Variants in RXFP1 observed in about 807,000 individuals in gnomAD.
The protein encoded by RXFP1 is relaxin receptor 1.
In RXFP1, 73 loss-of-function variants were observed where a neutral mutation model predicts 89.8. The observed-to-expected ratio is 0.81, with a 90% confidence interval of 0.67 to 0.99. The LOEUF (loss-of-function observed/expected upper bound fraction) is 0.99. RXFP1 is among the 50% of genes least tolerant of loss of function. The pLI is 0.00. For missense variants in RXFP1, 793 were observed against 895.5 expected (o/e 0.89, Z 1.46); for synonymous variants, 277 against 305.5 (o/e 0.91, Z 0.97).
chr4:158,650,189 A>T (rs754578899), intron 17 of RXFP1, among the ~76,000 whole-genome samples: 1 of 152,154 alleles, frequency 6.6e-6, no homozygotes, highest in Non-Finnish European at 1.5e-5. Flanking sequence ...ATATAGTTAG[A>T]TTCATAGAAC....
At chr4:158,563,021 A>G (rs1265822857) in intron 1 of RXFP1, among the ~76,000 whole-genome samples, 1 of 152,198 alleles carries the variant, frequency 6.6e-6, no homozygotes, top group African/African-American at 2.4e-5. Flanking sequence ...AAAACAGGAG[A>G]TAAAGTTTGT....
intron 1 of RXFP1, among the ~76,000 whole-genome samples, chr4:158,570,818 G>T (rs1424174128): frequency 5.3e-5 from 8 of 151,988 alleles, no homozygotes. Flanking sequence ...TCTTCCCTTT[G>T]CCCAAGGATA....
intron 14 of RXFP1, among the ~76,000 whole-genome samples, chr4:158,643,015 G>A (rs768467287): frequency 7.2e-5 from 11 of 152,216 alleles, no homozygotes; most frequent in African/African-American, 2.7e-4. Context: ...TGTATAGCAT[G>A]CGAAGAAGCT....
At chr4:158,522,859 A>G (rs776273710) in intron 1 of RXFP1, among the ~76,000 whole-genome samples, 19 of 152,182 alleles carry the variant, frequency 1.2e-4, no homozygotes, top group Non-Finnish European at 2.4e-4. Flanking sequence ...AAGCCTTTTT[A>G]TAGTCCTGTG....
chr4:158,580,271 C>T (rs560089961), intron 2 of RXFP1, among the ~76,000 whole-genome samples: 1 of 152,128 alleles, frequency 6.6e-6, no homozygotes, highest in Non-Finnish European at 1.5e-5. Flanking sequence ...AGCTCTAGGT[C>T]TGGATTGGTT....
chr4:158,606,893 A>G lies in RXFP1; in HGVS notation c.465-1079A>G, dbSNP rs28616008. Among the ~76,000 whole-genome samples the G allele has an allele frequency of 6.9e-3, 1,048 of 152,238 alleles. 16 individuals carry two copies. Among genetic ancestry groups the G allele is most frequent in the African/African-American group, 0.024 (1,009 of 41,522 alleles). Reference sequence around the variant, plus strand: ...CTTCACCCAGCCTATAATAAATTTTATAATAACATTTCACAATCAAAGTTA... The same window carrying G: ...CTTCACCCAGCCTATAATAAATTTTGTAATAACATTTCACAATCAAAGTTA... On this transcript the variant is annotated intron_variant, in intron 5 of 17. Coordinates refer to ENST00000307765, the MANE Select transcript of RXFP1 (RefSeq NM_021634.4).
chr4:158,652,343 G>A lies in RXFP1; in HGVS notation c.*288G>A. ...GCATTTATTGAGTACCCACTACTAT[G>A]TGCATAGCATTGCAATATAGTCCTG... On this transcript the variant is annotated 3_prime_UTR_variant, in exon 18 of 18. Coordinates refer to ENST00000307765, the MANE Select transcript of RXFP1 (RefSeq NM_021634.4). The A allele has an allele frequency of 3.6e-6, 1 of 280,568 alleles. No individual in the cohort carries two copies. Among genetic ancestry groups the A allele is most frequent in the Non-Finnish European group, 6.7e-6 (1 of 149,654 alleles). The allele number at this position is 280,568 out of a possible 1,614,324, so 17.4% of individuals were successfully genotyped here.
chr4:158,635,135 A>C (rs1343422135), intron 12 of RXFP1, among the ~76,000 whole-genome samples: 1 of 151,624 alleles, frequency 6.6e-6, no homozygotes, highest in Non-Finnish European at 1.5e-5. Context: ...ACATCTTAAT[A>C]TTAAGTCTTC....
At chr4:158,529,824 G>A (rs1743578361) in intron 1 of RXFP1, among the ~76,000 whole-genome samples, 1 of 152,080 alleles carries the variant, frequency 6.6e-6, no homozygotes, top group Non-Finnish European at 1.5e-5. Flanking sequence ...CTCCTGTCTT[G>A]GTCCCAAATC....
intron 2 of RXFP1, among the ~76,000 whole-genome samples, chr4:158,591,561 C>A (rs1320044632): frequency 2.3e-4 from 30 of 130,108 alleles, no homozygotes; most frequent in Non-Finnish European, 4.0e-4. Context: ...CCAGCCTGGG[C>A]AACATAGCAA....
intron 1 of RXFP1, among the ~76,000 whole-genome samples, chr4:158,561,109 T>G (rs962694189): frequency 5.9e-5 from 9 of 152,236 alleles, no homozygotes; most frequent in Non-Finnish European, 1.3e-4. Flanking sequence ...TCTTGTAAAA[T>G]AAAACCAATC....
intron 11 of RXFP1, among the ~76,000 whole-genome samples, chr4:158,632,763 G>A (rs1157632950): frequency 5.3e-5 from 8 of 151,854 alleles, no homozygotes; most frequent in East Asian, 1.9e-4. Flanking sequence ...AATCCTAAGC[G>A]GAAGAAAAAA....
intron 14 of RXFP1, among the ~76,000 whole-genome samples, chr4:158,640,731 A>G (rs1294521460): frequency 6.6e-6 from 1 of 152,198 alleles, no homozygotes; most frequent in Non-Finnish European, 1.5e-5. Flanking sequence ...ACTATATCAC[A>G]TGGTACAAGT....
At position 158,646,815 on chromosome 4, in the gene RXFP1, A is replaced by G. The variant is rs773894854; in HGVS notation, c.1370A>G (p.Tyr457Cys). 1 of 1,613,230 alleles carries G rather than the reference A, an allele frequency of 6.2e-7. No homozygotes were observed. Among genetic ancestry groups the G allele is most frequent in the Admixed American group, 1.7e-5 (1 of 59,928 alleles). The change falls in exon 16 of 18, where the codon TAT (tyrosine) becomes TGT (cysteine). Residue 457 changes from tyrosine to cysteine, a missense_variant. Coordinates refer to ENST00000307765, the MANE Select transcript of RXFP1 (RefSeq NM_021634.4). Reference protein sequence around the residue: ...LCCADCLMGIYLFVIGGFDLK... With the variant: ...LCCADCLMGICLFVIGGFDLK... Reference sequence around the variant, plus strand: ...GGTGCCGACTGCTTAATGGGAATATATTTATTCGTGATCGGAGGCTTTGAC... The same window carrying G: ...GGTGCCGACTGCTTAATGGGAATATGTTTATTCGTGATCGGAGGCTTTGAC...
chr4:158,567,925 G>C (rs534975955), intron 1 of RXFP1, among the ~76,000 whole-genome samples: 11 of 152,294 alleles, frequency 7.2e-5, no homozygotes, highest in African/African-American at 2.6e-4. Context: ...TTGTTCTTTT[G>C]CTCGTTGCAA....
chr4:158,543,999 A>G, intron 1 of RXFP1: 1 of 985,430 alleles, frequency 1.0e-6, no homozygotes, highest in Non-Finnish European at 1.2e-6. Flanking sequence ...TTTTGCCCCT[A>G]CCTTGGGCAT....
chr4:158,605,968 G>A (rs1278579961), intron 5 of RXFP1, among the ~76,000 whole-genome samples: 1 of 152,174 alleles, frequency 6.6e-6, no homozygotes, highest in African/African-American at 2.4e-5. Flanking sequence ...ATCAGAAGAA[G>A]AATTAACCCA....
In RXFP1 at chr4:158,647,192, A is replaced by AT; in HGVS notation, c.1752dup (p.Leu585SerfsTer4). 6.4e-7 allele frequency: 1 copy of AT among 1,561,068 alleles called. No individual in the cohort carries two copies. Among genetic ancestry groups the AT allele is most frequent in the Non-Finnish European group, 8.6e-7 (1 of 1,157,666 alleles). On this transcript the variant is annotated frameshift_variant, in exon 16 of 18. Transcript: ENST00000307765. LOFTEE classifies it high-confidence loss of function. ...TGGAGCCCAGATTTATTCAGTGGCA[A>AT]TTTTTCTTGGTAAGAAACTAAGAAA...
chr4:158,526,644 T>C (rs1236058615), intron 1 of RXFP1, among the ~76,000 whole-genome samples: 2 of 152,254 alleles, frequency 1.3e-5, no homozygotes, highest in Admixed American at 1.3e-4. Context: ...TAAATAACTG[T>C]ATTTTATAGC....
Sources: gnomAD v4.1 joint callset for allele counts (sites outside exome capture counted in the v4.1 genomes callset) on GRCh38, gnomAD v4.1.1 for gene constraint, MANE v1.5 for transcripts, NCBI Gene and HGNC (gene_info 2026-07-23, HGNC 2026-07-21) for gene names.